The following ACTA2 variants were observed in gnomAD, a reference collection of about 807,000 sequenced individuals.
ACTA2 encodes the protein actin, aortic smooth muscle.
ACTA2 carries 12 observed loss-of-function variants against 39.5 expected under a neutral mutation model. The ratio of observed to expected loss-of-function variants is 0.30; its 90% CI spans 0.19 to 0.49. The LOEUF is 0.49. ACTA2 is among the 20% of genes least tolerant of loss of function. The pLI is 0.99. For synonymous variants in ACTA2, 158 were observed against 180.6 expected (o/e 0.88, Z 1.00); for missense variants, 236 against 498.8 (o/e 0.47, Z 5.02).
chr10:88,943,284 A>G (rs1170030236), intron 4 of ACTA2, among the ~76,000 whole-genome samples: 2 of 152,218 alleles, frequency 1.3e-5, no homozygotes, highest in African/African-American at 4.8e-5. Context: ...TTGGATGTTT[A>G]TTAGGAACCA....
chr10:88,961,770 T>C (rs1846230148), intron 1 of ACTA2, among the ~76,000 whole-genome samples: 1 of 152,202 alleles, frequency 6.6e-6, no homozygotes, highest in African/African-American at 2.4e-5. Flanking sequence ...TTCTATGCAG[T>C]CTTCCCTTTG....
chr10:88,948,195 C>A (rs1845987940), intron 2 of ACTA2: 1 of 159,396 alleles, frequency 6.3e-6, no homozygotes, highest in Non-Finnish European at 1.4e-5. Context: ...ATATCCCAAG[C>A]AGAGAGGCAT....
At chr10:88,948,612 T>C (rs2133273171) in intron 2 of ACTA2, 190 bp downstream of exon 2, 1 of 695,420 alleles carries the variant, frequency 1.4e-6, no homozygotes, top group Non-Finnish European at 2.5e-6. Context: ...ATCTGATAGA[T>C]GCCCATCAGA....
chr10:88,948,643 T>G, intron 2 of ACTA2, 159 bp downstream of exon 2: 1 of 932,472 alleles, frequency 1.1e-6, no homozygotes, highest in Non-Finnish European at 1.7e-6. Flanking sequence ...ACATTATATG[T>G]GAAATTGGCA....
At chr10:88,975,082 T>C (rs1461695924) in intron 1 of ACTA2, 1 of 152,172 alleles carries the variant, frequency 6.6e-6, no homozygotes, top group Non-Finnish European at 1.5e-5. Context: ...TTAACTGTTA[T>C]TACAGGTTGT....
At chr10:88,957,974 G>T (rs1846165513) in intron 1 of ACTA2, among the ~76,000 whole-genome samples, 1 of 151,774 alleles carries the variant, frequency 6.6e-6, no homozygotes, top group Non-Finnish European at 1.5e-5. Flanking sequence ...TACCATCTTG[G>T]CCAGGCTGAT....
chr10:88,971,157 A>G (rs1005809666), intron 1 of ACTA2, among the ~76,000 whole-genome samples: 6 of 152,248 alleles, frequency 3.9e-5, no homozygotes, highest in African/African-American at 1.4e-4. Flanking sequence ...TGTACCAAGC[A>G]TTTGAGCTGG....
chr10:88,964,050 T>C (rs1215429702), intron 1 of ACTA2, among the ~76,000 whole-genome samples: 9 of 152,010 alleles, frequency 5.9e-5, no homozygotes, highest in East Asian at 1.9e-4. Flanking sequence ...TATGTTTTTA[T>C]ATTTTTTTAT....
At chr10:88,948,638 A>G in intron 2 of ACTA2, 164 bp downstream of exon 2, 7 of 871,800 alleles carry the variant, frequency 8.0e-6, no homozygotes, top group Non-Finnish European at 1.3e-5. Context: ...TGTCTACATT[A>G]TATGTGAAAT....
chr10:88,974,990 T>C (rs1276985499), intron 1 of ACTA2: 2 of 152,168 alleles, frequency 1.3e-5, no homozygotes, highest in African/African-American at 4.8e-5. Flanking sequence ...GTGAGGAAAA[T>C]AATAAGTTTA....
chr10:88,973,194 C>T (rs561362397), intron 1 of ACTA2: 3 of 1,612,226 alleles, frequency 1.9e-6, no homozygotes, highest in South Asian at 1.1e-5. Context: ...TCAGAAATTC[C>T]TTTCTGGGAT....
At chr10:88,985,701 C>T (rs1174107291) in intron 1 of ACTA2, among the ~76,000 whole-genome samples, 3 of 152,188 alleles carry the variant, frequency 2.0e-5, no homozygotes, top group Non-Finnish European at 4.4e-5. Flanking sequence ...AATGACTGCC[C>T]CTCCCTCATG....
intron 1 of ACTA2, among the ~76,000 whole-genome samples, chr10:88,988,091 G>A (rs555025325): frequency 6.6e-6 from 1 of 152,290 alleles, no homozygotes; most frequent in South Asian, 2.1e-4. Flanking sequence ...CTACAATCAC[G>A]TGAGCCAACT....
At chr10:88,940,753 C>T (rs1382633832) in intron 6 of ACTA2, 7 of 223,306 alleles carry the variant, frequency 3.1e-5, no homozygotes, top group African/African-American at 8.9e-5. Context: ...ATTCCACATG[C>T]GTTCTTCCAT....
chr10:88,955,016 C>CAAAAAAAAAAA, upstream of ACTA2, among the ~76,000 whole-genome samples: 1 of 73,220 alleles, frequency 1.4e-5, no homozygotes, highest in Non-Finnish European at 2.7e-5. Context: ...TAGTGTCACA[C>CAAAAAAAAAAA]AAAAAAAAAA....
At chr10:88,985,926 G>C (rs915377909) in intron 1 of ACTA2, among the ~76,000 whole-genome samples, 1 of 152,220 alleles carries the variant, frequency 6.6e-6, no homozygotes, top group Admixed American at 6.5e-5. Context: ...TTATTGGCAT[G>C]CAGGCAAATA....
chr10:88,939,357 GCCTTGA>G lies in ACTA2; in HGVS notation c.808+144_808+149del, dbSNP rs1845805383. The G allele has an allele frequency of 3.0e-6, 3 of 1,009,768 alleles. No homozygotes were observed. The African/African-American group carries it at 4.8e-5, about 16-fold the overall frequency. 62.6% of individuals were successfully genotyped at this position (1,009,768 alleles called of 1,614,324 possible). A position where few individuals can be genotyped will look rare whatever the true frequency, so the allele number is the denominator to read the frequency against. On this transcript the variant is annotated intron_variant, in intron 7 of 8. Transcript: ENST00000224784. ...TTTCCTGGCCTCATTATGTCTTCTC[GCCTTGA>G]AAATGTGGCACTTTCCCTTTTTCTG... is the stretch of plus-strand genomic sequence containing the variant.
At chr10:88,987,401 G>A (rs912815465) in intron 1 of ACTA2, among the ~76,000 whole-genome samples, 1 of 152,156 alleles carries the variant, frequency 6.6e-6, no homozygotes, top group Non-Finnish European at 1.5e-5. Context: ...GGGTGGTCCA[G>A]GGTTCAATTT....
At chr10:88,973,182 A>T (rs962982640) in intron 1 of ACTA2, 1 of 1,611,834 alleles carries the variant, frequency 6.2e-7, no homozygotes, top group Non-Finnish European at 8.5e-7. Context: ...TGACCTATAG[A>T]TTCAGAAATT....
Sources: gnomAD v4.1 joint callset for allele counts (sites outside exome capture counted in the v4.1 genomes callset) on GRCh38, gnomAD v4.1.1 for gene constraint, MANE v1.5 for transcripts, NCBI Gene and HGNC (gene_info 2026-07-23, HGNC 2026-07-21) for gene names.